FUT8: variants seen among roughly 807,000 people sequenced by gnomAD.
FUT8 encodes the protein alpha-(1,6)-fucosyltransferase.
FUT8 carries 29 observed loss-of-function variants against 71.3 expected under a neutral mutation model. The observed-to-expected ratio is 0.41, with a 90% confidence interval of 0.30 to 0.55. The LOEUF is 0.55. Ranked by LOEUF, FUT8 falls within the 20% of genes least tolerant of loss-of-function variation. The pLI, the probability that FUT8 is intolerant of heterozygous loss-of-function variation, is 0.34. For missense variants in FUT8, 544 were observed against 702.1 expected (o/e 0.77, Z 2.55); for synonymous variants, 254 against 239.3 (o/e 1.06, Z -0.57).
chr14:65,673,925 T>C (rs1457492556), intron 7 of FUT8, among the ~76,000 whole-genome samples: 2 of 152,174 alleles, frequency 1.3e-5, no homozygotes, highest in East Asian at 1.9e-4. Flanking sequence ...CTTTAGCAAG[T>C]AGAACACAAA....
At chr14:65,586,176 G>A (rs1473738340) in intron 3 of FUT8, among the ~76,000 whole-genome samples, 1 of 152,142 alleles carries the variant, frequency 6.6e-6, no homozygotes, top group East Asian at 1.9e-4. Flanking sequence ...ACATATCTAG[G>A]TTAAATGATA....
At chr14:65,403,208 T>G in the FUT8 span, among the ~76,000 whole-genome samples, 1 of 152,236 alleles carries the variant, frequency 6.6e-6, no homozygotes, top group East Asian at 1.9e-4. Flanking sequence ...GTATTATATG[T>G]AATAACTTAT....
chr14:65,358,452 C>CAG, the FUT8 span, among the ~76,000 whole-genome samples: 1 of 151,960 alleles, frequency 6.6e-6, no homozygotes, highest in African/African-American at 2.4e-5. Flanking sequence ...TTAAATACAT[C>CAG]ATTTACTTTT....
intron 1 of FUT8, among the ~76,000 whole-genome samples, chr14:65,418,967 G>A (rs1323659566): frequency 6.6e-6 from 1 of 152,182 alleles, no homozygotes; most frequent in African/African-American, 2.4e-5. Context: ...GGTGGCTCAT[G>A]CCTGTAATCC....
chr14:65,700,523 T>C (rs1894238143), intron 7 of FUT8, among the ~76,000 whole-genome samples: 1 of 151,304 alleles, frequency 6.6e-6, no homozygotes, highest in Admixed American at 6.6e-5. Flanking sequence ...CCCGAGTAGC[T>C]GGGACTACAG....
chr14:65,722,757 C>G, intron 8 of FUT8, among the ~76,000 whole-genome samples: 1 of 152,142 alleles, frequency 6.6e-6, no homozygotes, highest in East Asian at 1.9e-4. Flanking sequence ...ATGATTGTAT[C>G]CACATCTGGG....
rs540183714 is a variant in FUT8 at position 65,607,993 on chromosome 14, A to T, written c.204-7985A>T. ...GGCAGGAGAATCACTTGAACCCGGG[A>T]GGCAGAGGTTGCAGTGAGCCGAGAT... On this transcript the variant is annotated intron_variant, in intron 3 of 10. Transcript: ENST00000673929. This position sits in a 1 kb window ranked among gnomAD's most constrained non-coding sequence, Gnocchi z 4.1. 2.0e-5 allele frequency among the ~76,000 whole-genome samples: 3 copies of T among 147,292 alleles called. No homozygotes were observed. The Admixed American group carries it at 2.1e-4, about 10-fold the overall frequency.
chr14:65,688,664 G>T (rs921634290), intron 7 of FUT8, among the ~76,000 whole-genome samples: 93 of 151,760 alleles, frequency 6.1e-4, no homozygotes, highest in African/African-American at 2.1e-3. Context: ...TAAATCTAAT[G>T]TAAATATTTG....
At chr14:65,718,556 C>T (rs1489419767) in intron 7 of FUT8, among the ~76,000 whole-genome samples, 1 of 152,108 alleles carries the variant, frequency 6.6e-6, no homozygotes, top group Non-Finnish European at 1.5e-5. Flanking sequence ...TTAGTATGAC[C>T]AGTGAGGTAC....
At chr14:65,602,381 A>G (rs1319755545) in intron 3 of FUT8, among the ~76,000 whole-genome samples, 1 of 137,464 alleles carries the variant, frequency 7.3e-6, no homozygotes, top group Non-Finnish European at 1.5e-5. Context: ...ACACACACAC[A>G]CACACACACA....
At chr14:65,734,464 T>G (rs887806540) in intron 10 of FUT8, among the ~76,000 whole-genome samples, 21 of 152,148 alleles carry the variant, frequency 1.4e-4, no homozygotes, top group African/African-American at 5.1e-4. Context: ...AGAATACAAC[T>G]TACTACCCAA....
At chr14:65,390,321 CAA>C in the FUT8 span, among the ~76,000 whole-genome samples, 19 of 73,400 alleles carry the variant, frequency 2.6e-4, no homozygotes, top group Admixed American at 3.1e-4. Context: ...GACTTCGTCT[CAA>C]AAAAAAAAAA....
chr14:65,549,874 A>G (rs1885190214), intron 2 of FUT8, among the ~76,000 whole-genome samples: 1 of 152,140 alleles, frequency 6.6e-6, no homozygotes. Flanking sequence ...AAAGAGGTTT[A>G]CACAGTGAAA....
In FUT8 at chr14:65,440,866, A is replaced by G. The variant is rs1028665139; in HGVS notation, c.-325-14755A>G. Reference sequence around the variant, plus strand: ...TAGGGAAAAGCTAAAGCATAGTCCAATTATCTCAATTATTGTAAATGAGAA... The same window carrying G: ...TAGGGAAAAGCTAAAGCATAGTCCAGTTATCTCAATTATTGTAAATGAGAA... On this transcript the variant is annotated intron_variant, in intron 1 of 10. Coordinates refer to ENST00000673929, the MANE Select transcript of FUT8 (RefSeq NM_001371533.1). Among the ~76,000 whole-genome samples the G allele has an allele frequency of 6.6e-5, 10 of 152,332 alleles. No individual in the cohort carries two copies. The South Asian group carries it at 8.3e-4, about 13-fold the overall frequency.
intron 2 of FUT8, among the ~76,000 whole-genome samples, chr14:65,480,659 A>G (rs1229722167): frequency 6.6e-6 from 1 of 151,562 alleles, no homozygotes; most frequent in East Asian, 1.9e-4. Flanking sequence ...CTGGGTATGT[A>G]TCCAGAAGTG....
At chr14:65,611,307 C>A (rs12882763) in intron 3 of FUT8, among the ~76,000 whole-genome samples, 11 of 102,436 alleles carry the variant, frequency 1.1e-4, no homozygotes, top group South Asian at 3.4e-4. Context: ...ACACACCCCC[C>A]AAGTAATAGC....
At chr14:65,647,183 A>G (rs1891161084) in intron 6 of FUT8, among the ~76,000 whole-genome samples, 1 of 152,222 alleles carries the variant, frequency 6.6e-6, no homozygotes, top group African/African-American at 2.4e-5. Flanking sequence ...TGTATTTGAT[A>G]GATGATAAAA....
the FUT8 span, among the ~76,000 whole-genome samples, chr14:65,364,760 C>T: frequency 6.6e-6 from 1 of 152,136 alleles, no homozygotes; most frequent in African/African-American, 2.4e-5. Flanking sequence ...TGAAATCTTG[C>T]CAAGATAGAA....
chr14:65,488,377 G>A (rs1327092173), intron 2 of FUT8: 1 of 152,204 alleles, frequency 6.6e-6, no homozygotes, highest in African/African-American at 2.4e-5. Context: ...AGGCTTCGGT[G>A]TATGCACCCA....
Sources: allele counts gnomAD v4.1 joint callset (sites outside exome capture counted in the v4.1 genomes callset), GRCh38; gene constraint gnomAD v4.1.1; non-coding constraint Gnocchi (gnomAD v3.1); transcripts MANE v1.5; gene names NCBI Gene and HGNC (gene_info 2026-07-23, HGNC 2026-07-21).